CTNNA3: variants seen among roughly 807,000 people sequenced by gnomAD.
CTNNA3 encodes the protein catenin alpha 3, also known as catenin alpha-3.
CTNNA3 carries 76 observed loss-of-function variants against 95.7 expected under a neutral mutation model. The observed-to-expected ratio is 0.79, with a 90% CI of 0.66 to 0.96. The LOEUF is 0.96. Ranked by LOEUF, CTNNA3 falls within the 40% of genes least tolerant of loss-of-function variation. The probability of loss-of-function intolerance (pLI) is 0.00; values close to 1 mark genes in which losing one functional copy is unlikely to be tolerated. For synonymous variants in CTNNA3, 431 were observed against 374.4 expected (o/e 1.15, Z -1.74); for missense variants, 1,191 against 1,089.8 (o/e 1.09, Z -1.31).
At chr10:67,684,082 C>G (rs1198092537) in intron 1 of CTNNA3, among the ~76,000 whole-genome samples, 1 of 152,210 alleles carries the variant, frequency 6.6e-6, no homozygotes, top group African/African-American at 2.4e-5. Context: ...AGGTGGCCAG[C>G]TTTTATTCCC....
chr10:66,352,150 C>A (rs2092571276), intron 12 of CTNNA3, among the ~76,000 whole-genome samples: 2 of 151,930 alleles, frequency 1.3e-5, no homozygotes, highest in African/African-American at 4.8e-5. Context: ...AACAAGCAAG[C>A]AAGAAGGTAT....
At chr10:66,458,328 T>C (rs994210227) in intron 11 of CTNNA3, among the ~76,000 whole-genome samples, 1 of 152,200 alleles carries the variant, frequency 6.6e-6, no homozygotes, top group African/African-American at 2.4e-5. Context: ...ATGAAATCAC[T>C]GTGTTGTAAA....
chr10:66,843,251 A>G (rs1359973264), intron 7 of CTNNA3, among the ~76,000 whole-genome samples: 4 of 152,166 alleles, frequency 2.6e-5, no homozygotes, highest in Non-Finnish European at 5.9e-5. Context: ...TCACGATCAC[A>G]GGGGATCAGT....
At chr10:67,610,883 G>A (rs1843434653) in intron 2 of CTNNA3, among the ~76,000 whole-genome samples, 1 of 152,024 alleles carries the variant, frequency 6.6e-6, no homozygotes. Context: ...CAGACTTCAG[G>A]GGTCCCTCTC....
intron 7 of CTNNA3, among the ~76,000 whole-genome samples, chr10:66,858,852 T>C (rs1172583875): frequency 6.6e-6 from 1 of 151,982 alleles, no homozygotes; most frequent in African/African-American, 2.4e-5. Flanking sequence ...TTTGTTGATC[T>C]TTTGTATGGT....
At chr10:65,959,704 T>C (rs2077803386) in intron 17 of CTNNA3, among the ~76,000 whole-genome samples, 1 of 152,114 alleles carries the variant, frequency 6.6e-6, no homozygotes, top group South Asian at 2.1e-4. Flanking sequence ...TTTGTAGAAA[T>C]GGGATTTGCC....
chr10:66,865,750 A>G (rs1343201378), intron 7 of CTNNA3, among the ~76,000 whole-genome samples: 2 of 152,076 alleles, frequency 1.3e-5, no homozygotes, highest in Non-Finnish European at 2.9e-5. Context: ...AGCTCAAATC[A>G]CTAGATATCA....
At chr10:66,409,413 AAT>A (rs1198926219) in intron 11 of CTNNA3, among the ~76,000 whole-genome samples, 1 of 152,150 alleles carries the variant, frequency 6.6e-6, no homozygotes, top group Non-Finnish European at 1.5e-5. Context: ...AAAAAAAAAA[AAT>A]GTCTTTTTAA....
chr10:67,552,975 T>G (rs565019190), intron 3 of CTNNA3, among the ~76,000 whole-genome samples: 1 of 152,308 alleles, frequency 6.6e-6, no homozygotes, highest in South Asian at 2.1e-4. Flanking sequence ...TTGGCCCTTT[T>G]TTAACCCCGT....
intron 1 of CTNNA3, among the ~76,000 whole-genome samples, chr10:67,674,826 T>TATATATTGTAAATATAATCTTTTGTCA (rs558030897): frequency 0.011 from 1,679 of 152,256 alleles, 15 homozygotes; most frequent in Middle Eastern, 0.037. Flanking sequence ...AAGAATTCCC[T>TATATATTGTAAATATAATCTTTTGTCA]ATATATTGTA....
intron 11 of CTNNA3, among the ~76,000 whole-genome samples, chr10:66,468,522 T>A (rs1018895082): frequency 6.6e-6 from 1 of 151,896 alleles, no homozygotes; most frequent in African/African-American, 2.4e-5. Flanking sequence ...TTAGGTAGCA[T>A]AAAGAAGTTC....
intron 2 of CTNNA3, among the ~76,000 whole-genome samples, chr10:67,625,111 A>C (rs942066739): frequency 6.6e-6 from 1 of 152,204 alleles, no homozygotes; most frequent in African/African-American, 2.4e-5. Flanking sequence ...AAGGACTAGG[A>C]ACCCGGAGGT....
chr10:67,496,932 CT>C (rs1297602593), intron 5 of CTNNA3, among the ~76,000 whole-genome samples: 1 of 151,946 alleles, frequency 6.6e-6, no homozygotes, highest in Non-Finnish European at 1.5e-5. Context: ...ATGTGTCTAT[CT>C]TTTTTTAAAA....
intron 3 of CTNNA3, among the ~76,000 whole-genome samples, chr10:67,544,395 C>T (rs1281611700): frequency 6.6e-6 from 1 of 151,868 alleles, no homozygotes; most frequent in Non-Finnish European, 1.5e-5. Flanking sequence ...AGCTTACCAC[C>T]ATGAGAGACT....
In CTNNA3 at chr10:67,695,542, T is replaced by C. The variant is rs542994617; in HGVS notation, c.-6+458A>G. On this transcript the variant is annotated intron_variant, in intron 1 of 17. Coordinates refer to ENST00000433211, the MANE Select transcript of CTNNA3 (RefSeq NM_013266.4). ...ACAAATAGACATTAAATTCAGAAAT[T>C]AATGCTTTTTGCCATTATCTCACTT... Among the ~76,000 whole-genome samples the C allele has an allele frequency of 1.5e-4, 23 of 152,340 alleles. No homozygotes were observed. In the South Asian group the frequency reaches 4.6e-3, roughly 30 times the overall value.
At chr10:66,623,430 T>C (rs1371636214) in intron 9 of CTNNA3, among the ~76,000 whole-genome samples, 2 of 149,068 alleles carry the variant, frequency 1.3e-5, no homozygotes, top group African/African-American at 2.4e-5. Flanking sequence ...TTTGAAAGTA[T>C]ACATTCTTCT....
intron 7 of CTNNA3, chr10:66,926,827 T>A (rs1847105909): frequency 1.7e-6 from 2 of 1,173,366 alleles, no homozygotes; most frequent in Non-Finnish European, 2.3e-6. Context: ...TAGATTTAAA[T>A]TTTTAAAAAT....
chr10:67,301,547 A>C (rs1222647528), intron 5 of CTNNA3, among the ~76,000 whole-genome samples: 1 of 152,166 alleles, frequency 6.6e-6, no homozygotes. Context: ...AAATATCTGC[A>C]CTCCCATGTT....
chr10:66,103,254 A>G lies in CTNNA3; in HGVS notation c.1885-5T>C, dbSNP rs1467677854. ...ATCCTCCAGTTCCTCTGGGGTCTAT[A>G]AAAAGAAAGCAAAACATTGCTAGTG... On this transcript the variant is annotated splice_polypyrimidine_tract_variant and splice_region_variant and intron_variant, in intron 13 of 17. Transcript: ENST00000433211. 6.2e-7 allele frequency: 1 copy of G among 1,611,086 alleles called. No homozygotes were observed. The highest frequency in any genetic ancestry group is 1.1e-5 in the South Asian group (1 of 91,020).
Sources: allele counts gnomAD v4.1 joint callset (sites outside exome capture counted in the v4.1 genomes callset), GRCh38; gene constraint gnomAD v4.1.1; transcripts MANE v1.5; gene names NCBI Gene and HGNC (gene_info 2026-07-23, HGNC 2026-07-21).